MYLK2: variants seen among roughly 807,000 people sequenced by gnomAD.
MYLK2 encodes the protein myosin light chain kinase 2.
MYLK2 carries 27 observed loss-of-function variants against 58.2 expected under a neutral mutation model. The ratio of observed to expected loss-of-function variants is 0.46; its 90% CI spans 0.34 to 0.64. MYLK2 has a LOEUF of 0.64. MYLK2 is among the 30% of genes least tolerant of loss of function. The pLI, the probability that MYLK2 is intolerant of heterozygous loss-of-function variation, is 0.01. For missense variants in MYLK2, 676 were observed against 764.3 expected, an observed-to-expected ratio of 0.88 and a Z score of 1.36; for synonymous variants, 310 against 296.7, an observed-to-expected ratio of 1.04 and a Z score of -0.46.
At position 31,820,172 on chromosome 20, in the gene MYLK2, G is replaced by T. The variant is rs756949426; in HGVS notation, c.99G>T (p.Gly33=). The T allele has an allele frequency of 1.2e-6, 2 of 1,613,900 alleles. No homozygotes were observed. Among genetic ancestry groups the T allele is most frequent in the Non-Finnish European group, 1.7e-6 (2 of 1,180,044 alleles). ...CAGGTGAAAGACCCCTGGCTGCAGG[G>T]AAAGACCCTGGCCCCCCAGACCCAA... ...GPTGERPLAA[G]KDPGPPDPKK... The change falls in exon 3 of 13, where the codon GGG becomes GGT. Residue 33 remains glycine, a synonymous_variant. Transcript: ENST00000375985.
intron 8 of MYLK2, among the ~76,000 whole-genome samples, chr20:31,827,933 G>GCTC (rs1389611627): frequency 7.0e-5 from 10 of 142,530 alleles, no homozygotes; most frequent in Non-Finnish European, 1.5e-4. Context: ...TGTTGGCCAG[G>GCTC]CTGGAGTGCA....
chr20:31,831,657 C>T, intron 10 of MYLK2, 46 bp from the exon 11 acceptor site: 1 of 1,608,882 alleles, frequency 6.2e-7, no homozygotes, highest in Non-Finnish European at 8.5e-7. Context: ...GGTGACTCAG[C>T]ACCTCCAATC....
chr20:31,827,248 C>G (rs2062285613), intron 8 of MYLK2: 1 of 985,336 alleles, frequency 1.0e-6, no homozygotes, highest in South Asian at 4.7e-5. Flanking sequence ...GTGTGTCACA[C>G]AGACAAGTGG....
chr20:31,831,778 C>T lies in MYLK2; in HGVS notation c.1500C>T (p.Tyr500=), dbSNP rs2123140838. The T allele has an allele frequency of 6.2e-7, 1 of 1,614,134 alleles. No homozygotes were observed. Among genetic ancestry groups the T allele is most frequent in the Non-Finnish European group, 8.5e-7 (1 of 1,180,026 alleles). Residue 500 remains tyrosine (Y), a synonymous_variant, in exon 11 of 13, where the codon TAC becomes TAT. Coordinates refer to ENST00000375985, the MANE Select transcript of MYLK2 (RefSeq NM_033118.4). ...TLNNVLSGNW[Y]FDEETFEAVS... ...ACAACGTTCTATCTGGCAACTGGTA[C>T]TTTGATGAAGAGACCTTTGAGGCCG... is the stretch of plus-strand genomic sequence containing the variant.
intron 4 of MYLK2, 103 bp from the exon 5 acceptor site, chr20:31,823,374 T>A: frequency 9.3e-7 from 1 of 1,077,834 alleles, no homozygotes; most frequent in South Asian, 1.4e-5. Flanking sequence ...CTTGGTGAAC[T>A]TAACTTCCCT....
In MYLK2 at chr20:31,820,397, C is replaced by T; in HGVS notation, c.324C>T (p.Val108=). ...AGACTGCGACACCTGAGACCAGCGTCAAGAAGCCCAAGGCTGAGCAGGGAG... is the reference window on the plus strand; with the variant it reads ...AGACTGCGACACCTGAGACCAGCGTTAAGAAGCCCAAGGCTGAGCAGGGAG... ...PQQTATPETS[V]KKPKAEQGAS... is the part of the protein sequence containing the mutation. The change falls in exon 3 of 13, where the codon GTC becomes GTT. Residue 108 remains valine, a synonymous_variant. Coordinates refer to ENST00000375985, the MANE Select transcript of MYLK2 (RefSeq NM_033118.4). The T allele has an allele frequency of 6.2e-7, 1 of 1,612,824 alleles. No individual in the cohort carries two copies.
In MYLK2 at chr20:31,833,797, A is replaced by C. The variant is rs2062319815; in HGVS notation, c.1791A>C (p.Ter597CysextTer17). ...SSGALMALGV[*>C] The stretch of plus-strand genomic sequence containing the variant: ...GGGCACTGATGGCTCTGGGGGTCTG[A>C]GCCCTGGGCGCAGCTGAAGCCTGGA... Residue 597 changes from the stop codon to cysteine, a stop_lost, in exon 13 of 13, where the codon TGA becomes TGC. Transcript: ENST00000375985. 1 of 1,612,066 alleles carries C rather than the reference A, an allele frequency of 6.2e-7. No homozygotes were observed. Among genetic ancestry groups the C allele is most frequent in the Non-Finnish European group, 8.5e-7 (1 of 1,179,840 alleles).
chr20:31,832,172 C>T (rs1161634219), intron 12 of MYLK2, 36 bp downstream of exon 12: 3 of 1,592,936 alleles, frequency 1.9e-6, no homozygotes, highest in East Asian at 2.2e-5. Context: ...GGAGGGCTTG[C>T]TAGTGGGAAG....
intron 10 of MYLK2, 98 bp from the exon 11 acceptor site, chr20:31,831,605 T>C: frequency 1.4e-6 from 2 of 1,404,522 alleles, no homozygotes; most frequent in African/African-American, 2.8e-5. Context: ...CAGCACACGG[T>C]GCTGCCTCCT....
intron 4 of MYLK2, among the ~76,000 whole-genome samples, chr20:31,822,423 G>C (rs2062255657): frequency 6.6e-6 from 1 of 152,214 alleles, no homozygotes; most frequent in South Asian, 2.1e-4. Flanking sequence ...ACAGGTGCCT[G>C]TGTGTGGGAG....
chr20:31,832,212 C>T lies in MYLK2; in HGVS notation c.1710+76C>T, dbSNP rs546120462. The T allele has an allele frequency of 1.4e-4, 221 of 1,554,120 alleles. 1 individual carries two copies. The African/African-American group carries it at 2.5e-3, about 17-fold the overall frequency. On this transcript the variant is annotated intron_variant, in intron 12 of 12. Transcript: ENST00000375985. The stretch of plus-strand genomic sequence containing the variant: ...CCTGGTGCCAGATCCCAGCCTCCAC[C>T]GTCCCTGCCTTGGCAGGTTCTGTTG...
In MYLK2 at chr20:31,820,464, A is replaced by C; in HGVS notation, c.391A>C (p.Lys131Gln). Residue 131 changes from lysine (K) to glutamine (Q), a missense_variant, in exon 3 of 13, where the codon AAG (lysine) becomes CAG (glutamine). Lys to Gln is a moderately conservative substitution (Grantham distance 53). Coordinates refer to ENST00000375985, the MANE Select transcript of MYLK2 (RefSeq NM_033118.4). ...QDPGKPRVGK[K>Q]AAEGQAAARR... ...TCCTGGAAAGCCCAGGGTGGGCAAGAAGGCAGCAGAGGGCCAAGCAGCAGC... is the reference window on the plus strand; with the variant it reads ...TCCTGGAAAGCCCAGGGTGGGCAAGCAGGCAGCAGAGGGCCAAGCAGCAGC... 1 of 1,611,442 alleles carries C rather than the reference A, an allele frequency of 6.2e-7. No homozygotes were observed. Among genetic ancestry groups the C allele is most frequent in the Non-Finnish European group, 8.5e-7 (1 of 1,179,992 alleles).
At chr20:31,822,555 C>G (rs984890893) in intron 4 of MYLK2, among the ~76,000 whole-genome samples, 4 of 151,966 alleles carry the variant, frequency 2.6e-5, no homozygotes, top group Admixed American at 2.6e-4. Context: ...TGTGAGTGAG[C>G]TTGGCCAGCA....
At position 31,833,803 on chromosome 20, in the gene MYLK2, G is replaced by A. The variant is rs1458383321; in HGVS notation, c.*6G>A. The A allele has an allele frequency of 4.3e-6, 7 of 1,611,200 alleles. No individual in the cohort carries two copies. The highest frequency in any genetic ancestry group is 5.9e-6 in the Non-Finnish European group (7 of 1,179,338). On this transcript the variant is annotated 3_prime_UTR_variant, in exon 13 of 13. Coordinates refer to ENST00000375985, the MANE Select transcript of MYLK2 (RefSeq NM_033118.4). Reference sequence around the variant, plus strand: ...TGATGGCTCTGGGGGTCTGAGCCCTGGGCGCAGCTGAAGCCTGGACGCAGC... The same window carrying A: ...TGATGGCTCTGGGGGTCTGAGCCCTAGGCGCAGCTGAAGCCTGGACGCAGC...
chr20:31,827,085 G>GGAATA (rs2062284225), intron 8 of MYLK2, 147 bp downstream of exon 8: 4 of 1,484,258 alleles, frequency 2.7e-6, no homozygotes, highest in Non-Finnish European at 3.6e-6. Flanking sequence ...AAGGGTTTAT[G>GGAATA]GAATACTTAC....
At chr20:31,820,592 C>A (rs765567074) in intron 3 of MYLK2, 46 bp downstream of exon 3, 2 of 1,591,704 alleles carry the variant, frequency 1.3e-6, no homozygotes, top group East Asian at 2.2e-5. Context: ...GTGGTTCTGT[C>A]CCTAGGGGTC....
intron 10 of MYLK2, 75 bp from the exon 11 acceptor site, chr20:31,831,626 CCT>C: frequency 6.5e-7 from 1 of 1,540,792 alleles, no homozygotes; most frequent in Non-Finnish European, 8.9e-7. Flanking sequence ...AGGATCTGCC[CCT>C]GTTCCCTACC....
intron 5 of MYLK2, 66 bp downstream of exon 5, chr20:31,823,648 A>G: frequency 6.7e-7 from 1 of 1,495,814 alleles, no homozygotes; most frequent in Non-Finnish European, 9.3e-7. Flanking sequence ...GTGGCTTCAC[A>G]TTTCCCCTGT....
At chr20:31,826,513 G>C (rs1219323743) in intron 6 of MYLK2, 92 bp from the exon 7 acceptor site, 20 of 1,556,762 alleles carry the variant, frequency 1.3e-5, no homozygotes, top group Non-Finnish European at 1.7e-5. Flanking sequence ...TCTGGGCAAG[G>C]CTAGCAGGCC....
Sources: allele counts gnomAD v4.1 joint callset (sites outside exome capture counted in the v4.1 genomes callset), GRCh38; gene constraint gnomAD v4.1.1; transcripts MANE v1.5; gene names NCBI Gene and HGNC (gene_info 2026-07-23, HGNC 2026-07-21).